RABGAP1L: variants seen among roughly 807,000 people sequenced by gnomAD.
The protein encoded by RABGAP1L is RAB GTPase activating protein 1 like.
In RABGAP1L, 63 loss-of-function variants were observed where a neutral mutation model predicts 137.7. The observed-to-expected ratio is 0.46, with a 90% CI of 0.37 to 0.56. The LOEUF (loss-of-function observed/expected upper bound fraction) is 0.56, where lower values mean the gene tolerates loss of function less well. Among genes scored for constraint, RABGAP1L ranks in the 20% least tolerant of loss-of-function variants. The pLI is 0.00. For synonymous variants in RABGAP1L, 431 were observed against 433.7 expected (o/e 0.99, Z 0.08); for missense variants, 1,095 against 1,244.0 (o/e 0.88, Z 1.80).
chr1:174,653,666 G>A (rs1365393367), intron 14 of RABGAP1L, among the ~76,000 whole-genome samples: 3 of 152,202 alleles, frequency 2.0e-5, no homozygotes, highest in Non-Finnish European at 4.4e-5. Flanking sequence ...CCCGCCTTCT[G>A]CGTTGATCTA....
rs1670128242 is a variant in RABGAP1L at position 174,971,488 on chromosome 1, C to T, written c.2544+2101C>T. On this transcript the variant is annotated intron_variant, in intron 21 of 25. Transcript: ENST00000681986. ...CATCAGACCTTCATTCTTCCTCTGC[C>T]TTCTCTCTTCCCTCCTTGACTCTCT... Among the ~76,000 whole-genome samples, 3 of 152,106 alleles carry T rather than the reference C, an allele frequency of 2.0e-5. No homozygotes were observed. The South Asian group carries it at 6.2e-4, about 32-fold the overall frequency.
intron 13 of RABGAP1L, among the ~76,000 whole-genome samples, chr1:174,439,287 T>C (rs1484867241): frequency 7.2e-5 from 11 of 152,240 alleles, no homozygotes; most frequent in Non-Finnish European, 1.2e-4. Context: ...TTAAATATTC[T>C]TAGTTGCTAA....
intron 13 of RABGAP1L, among the ~76,000 whole-genome samples, chr1:174,431,596 T>C (rs960323655): frequency 2.0e-5 from 3 of 152,180 alleles, no homozygotes; most frequent in African/African-American, 7.2e-5. Flanking sequence ...TAGTTTCTGA[T>C]ACAGAAGCCT....
At chr1:174,853,188 A>G (rs1273896236) in intron 19 of RABGAP1L, among the ~76,000 whole-genome samples, 1 of 150,880 alleles carries the variant, frequency 6.6e-6, no homozygotes, top group Non-Finnish European at 1.5e-5. Flanking sequence ...AATTTGCATA[A>G]TATGATAAGA....
intron 17 of RABGAP1L, among the ~76,000 whole-genome samples, chr1:174,730,037 A>G (rs1043033024): frequency 1.3e-5 from 2 of 152,248 alleles, no homozygotes; most frequent in African/African-American, 4.8e-5. Context: ...TATTTGCAAA[A>G]ACATGGAATC....
chr1:174,942,104 C>G (rs570087400), intron 19 of RABGAP1L, among the ~76,000 whole-genome samples: 1 of 152,282 alleles, frequency 6.6e-6, no homozygotes, highest in Non-Finnish European at 1.5e-5. Flanking sequence ...ATTCACTGTT[C>G]ATAGTTCTAA....
At chr1:174,283,733 C>G (rs1189161525) in intron 10 of RABGAP1L, among the ~76,000 whole-genome samples, 3 of 152,300 alleles carry the variant, frequency 2.0e-5, no homozygotes, top group African/African-American at 7.2e-5. Context: ...TCTTGAATTC[C>G]TGACCTCAAG....
chr1:174,802,184 A>G (rs1688819094), intron 18 of RABGAP1L, among the ~76,000 whole-genome samples: 1 of 152,140 alleles, frequency 6.6e-6, no homozygotes, highest in Non-Finnish European at 1.5e-5. Flanking sequence ...GTGTATTGCA[A>G]TTGTACCAAC....
intron 13 of RABGAP1L, among the ~76,000 whole-genome samples, chr1:174,565,046 A>C (rs543879796): frequency 6.6e-6 from 1 of 152,180 alleles, no homozygotes; most frequent in South Asian, 2.1e-4. Context: ...AAGGACAGAG[A>C]GCATTTGTTA....
At chr1:174,884,757 C>T (rs1448355439) in intron 19 of RABGAP1L, among the ~76,000 whole-genome samples, 1 of 152,224 alleles carries the variant, frequency 6.6e-6, no homozygotes, top group Non-Finnish European at 1.5e-5. Flanking sequence ...AACCATTCTC[C>T]CTATCTCTTG....
chr1:174,347,484 TG>T (rs1682544905), intron 11 of RABGAP1L, among the ~76,000 whole-genome samples: 2 of 151,536 alleles, frequency 1.3e-5, no homozygotes, highest in South Asian at 2.1e-4. Context: ...TGTGTGTGTG[TG>T]TGTGTGTGTG....
intron 13 of RABGAP1L, among the ~76,000 whole-genome samples, chr1:174,433,366 T>C (rs1043164771): frequency 3.9e-5 from 6 of 152,260 alleles, no homozygotes; most frequent in African/African-American, 1.4e-4. Flanking sequence ...GCATACTGTT[T>C]TGACCTATTA....
chr1:174,671,332 G>C (rs955636131), intron 14 of RABGAP1L, among the ~76,000 whole-genome samples: 2 of 151,966 alleles, frequency 1.3e-5, no homozygotes, highest in African/African-American at 4.8e-5. Flanking sequence ...TCTTTCTTTT[G>C]CCAAATTTCT....
chr1:174,191,165 T>TA (rs1667187544), intron 1 of RABGAP1L, among the ~76,000 whole-genome samples: 1 of 152,190 alleles, frequency 6.6e-6, no homozygotes, highest in South Asian at 2.1e-4. Context: ...GCCTGTACCT[T>TA]ATAATAGCTT....
intron 1 of RABGAP1L, among the ~76,000 whole-genome samples, chr1:174,192,701 G>A (rs1667299977): frequency 1.3e-5 from 2 of 152,154 alleles, no homozygotes; most frequent in Non-Finnish European, 2.9e-5. Flanking sequence ...ACTGGTAAAG[G>A]TGAGTTAGAA....
chr1:174,748,031 A>T (rs1357991708), intron 17 of RABGAP1L, among the ~76,000 whole-genome samples: 1 of 152,070 alleles, frequency 6.6e-6, no homozygotes, highest in Non-Finnish European at 1.5e-5. Flanking sequence ...CATATCACCA[A>T]ACTAACTGGA....
At chr1:174,239,363 C>A (rs900444880) in intron 4 of RABGAP1L, among the ~76,000 whole-genome samples, 1 of 152,172 alleles carries the variant, frequency 6.6e-6, no homozygotes, top group Non-Finnish European at 1.5e-5. Flanking sequence ...CACTACATTC[C>A]AGTTATACTA....
In RABGAP1L at chr1:174,768,980, G is replaced by GT. The variant is rs201674231; in HGVS notation, c.2211+16636dup. On this transcript the variant is annotated intron_variant, in intron 18 of 25. Transcript: ENST00000681986. ...ATCTCTTTTACCCTCTATCAGAAAAGTTTTTTTTTTCCTTAGAACTTCATT... is the reference window on the plus strand; with the variant it reads ...ATCTCTTTTACCCTCTATCAGAAAAGTTTTTTTTTTTCCTTAGAACTTCATT... 7.6e-3 allele frequency among the ~76,000 whole-genome samples: 1,144 copies of GT among 150,244 alleles called. 20 individuals carry two copies. Among genetic ancestry groups the GT allele is most frequent in the African/African-American group, 0.025 (1,037 of 40,994 alleles).
chr1:174,804,852 C>G (rs1689117828), intron 18 of RABGAP1L, among the ~76,000 whole-genome samples: 3 of 152,056 alleles, frequency 2.0e-5, no homozygotes, highest in Admixed American at 2.0e-4. Flanking sequence ...TTGTTTTTAA[C>G]TTTGTAGACT....
Sources: gnomAD v4.1 joint callset for allele counts (sites outside exome capture counted in the v4.1 genomes callset) on GRCh38, gnomAD v4.1.1 for gene constraint, MANE v1.5 for transcripts, NCBI Gene and HGNC (gene_info 2026-07-23, HGNC 2026-07-21) for gene names.